Variants in ALOXE3 observed in about 807,000 individuals in gnomAD.
ALOXE3 encodes the protein hydroperoxide isomerase ALOXE3.
Under a neutral mutation model 87.5 loss-of-function variants are expected in ALOXE3, and 78 were observed. The observed-to-expected ratio is 0.89, with a 90% CI of 0.74 to 1.08. The LOEUF (loss-of-function observed/expected upper bound fraction) is 1.08. Among genes scored for constraint, ALOXE3 ranks in the 50% least tolerant of loss-of-function variants. The probability of loss-of-function intolerance (pLI) is 0.00; values close to 1 mark genes in which losing one functional copy is unlikely to be tolerated. For synonymous variants in ALOXE3, 363 were observed against 370.8 expected (o/e 0.98, Z 0.24); for missense variants, 946 against 912.4 (o/e 1.04, Z -0.47).
At position 8,096,609 on chromosome 17, in the gene ALOXE3, G is replaced by T; in HGVS notation, c.*18C>A. 1.8e-6 allele frequency: 2 copies of T among 1,093,922 alleles called. No homozygotes were observed. The highest frequency in any genetic ancestry group is 1.2e-5 in the South Asian group (1 of 80,780). The allele number at this position is 1,093,922 out of a possible 1,614,324, so 67.8% of individuals were successfully genotyped here. A position where few individuals can be genotyped will look rare whatever the true frequency, so the allele number is the denominator to read the frequency against. ...ATGCTTGGACCTTTCTTTCTTCTTG[G>T]GTGGTATTTGGGGGTGGTTAGATGG... On this transcript the variant is annotated 3_prime_UTR_variant, in exon 16 of 16. Transcript: ENST00000448843.
chr17:8,109,225 G>C lies in ALOXE3; in HGVS notation c.1511C>G (p.Pro504Arg), dbSNP rs987255862. 1.5e-5 allele frequency: 24 copies of C among 1,613,896 alleles called. No individual in the cohort carries two copies. The African/African-American group carries it at 2.9e-4, about 20-fold the overall frequency. ...SLRARGVLAI[P>R]NYHYRDDGLK... Reference sequence around the variant, plus strand: ...GCCGTCGTCTCGGTAGTGGTAGTTGGGGATAGCCAGGACGCCGCGGGCCCG... The same window carrying C: ...GCCGTCGTCTCGGTAGTGGTAGTTGCGGATAGCCAGGACGCCGCGGGCCCG... The change falls in exon 12 of 16, where the codon CCC becomes CGC. Residue 504 changes from proline (P) to arginine (R), a missense_variant. Physicochemically the swap from Pro to Arg is moderately radical, Grantham distance 103. Transcript: ENST00000448843.
At chr17:8,113,663 C>T (rs568666104) in intron 6 of ALOXE3, among the ~76,000 whole-genome samples, 1 of 149,312 alleles carries the variant, frequency 6.7e-6, no homozygotes, top group African/African-American at 2.6e-5. Context: ...AAAACAACAA[C>T]AACAACAACA....
At chr17:8,118,544 G>A (rs116802274), upstream of ALOXE3, 839 of 1,528,462 alleles carry the variant, frequency 5.5e-4, 2 homozygotes, top group African/African-American at 9.0e-3. Context: ...AGTTGCACTT[G>A]GTCATAAATC....
Position 8,096,590 on chromosome 17 carries a change from G to A in ALOXE3, c.*37C>T, listed in dbSNP as rs1978552949. 1.0e-6 allele frequency: 1 copy of A among 973,168 alleles called. No homozygotes were observed. Among genetic ancestry groups the A allele is most frequent in the Non-Finnish European group, 1.7e-6 (1 of 594,796 alleles). 60.3% of individuals were successfully genotyped at this position (973,168 alleles called of 1,614,324 possible). On this transcript the variant is annotated 3_prime_UTR_variant, in exon 16 of 16. Coordinates refer to ENST00000448843, the MANE Select transcript of ALOXE3 (RefSeq NM_021628.3). ...TGAGGAACTGGTCCTCCTCATGCTT[G>A]GACCTTTCTTTCTTCTTGGGTGGTA...
chr17:8,103,351 C>G lies in ALOXE3; in HGVS notation c.1928G>C (p.Trp643Ser). The G allele has an allele frequency of 6.2e-7, 1 of 1,614,008 alleles. No individual in the cohort carries two copies. Among genetic ancestry groups the G allele is most frequent in the Non-Finnish European group, 8.5e-7 (1 of 1,179,980 alleles). ...GTCCTTGGGTTCTTGGCTAACCAACCAGAAGAGGAGGAGGTTGTTACAGCT... is the reference window on the plus strand; with the variant it reads ...GTCCTTGGGTTCTTGGCTAACCAACGAGAAGAGGAGGAGGTTGTTACAGCT... ...NISCNNLLLF[W>S]LVSQEPKDQR... The change falls in exon 15 of 16, where the codon TGG becomes TCG. Residue 643 changes from tryptophan to serine, a missense_variant. By Grantham distance (177) the Trp-to-Ser change is radical. Coordinates refer to ENST00000448843, the MANE Select transcript of ALOXE3 (RefSeq NM_021628.3).
intron 15 of ALOXE3, among the ~76,000 whole-genome samples, chr17:8,099,625 C>A (rs1398857589): frequency 6.6e-6 from 1 of 150,722 alleles, no homozygotes; most frequent in Non-Finnish European, 1.5e-5. Context: ...CGCGCCACTG[C>A]ACTCTAGCCT....
chr17:8,106,460 AAT>A (rs1011715807), intron 13 of ALOXE3, among the ~76,000 whole-genome samples: 1 of 151,918 alleles, frequency 6.6e-6, no homozygotes, highest in Admixed American at 6.6e-5. Context: ...CAGGAGAATC[AAT>A]AGAGCCCAGG....
chr17:8,115,096 C>CGG (rs1568004280), intron 4 of ALOXE3, 39 bp from the exon 5 acceptor site: 1 of 1,613,358 alleles, frequency 6.2e-7, no homozygotes, highest in Admixed American at 1.7e-5. Flanking sequence ...AGGTCATGCT[C>CGG]GGGATAAACA....
rs1979953538 is a variant in ALOXE3 at position 8,110,367 on chromosome 17, C to A, written c.1101+18G>T. 1.2e-6 allele frequency: 2 copies of A among 1,603,356 alleles called. No homozygotes were observed. Among genetic ancestry groups the A allele is most frequent in the Non-Finnish European group, 1.7e-6 (2 of 1,173,338 alleles). On this transcript the variant is annotated intron_variant, in intron 9 of 15. Transcript: ENST00000448843. ...TAGCACCTGAGCCCCCATCCCGGGG[C>A]GGCGGCGCCGGGCTCACCTGGATGG...
chr17:8,098,269 C>T (rs1978697396), intron 15 of ALOXE3, among the ~76,000 whole-genome samples: 1 of 114,632 alleles, frequency 8.7e-6, no homozygotes. Flanking sequence ...GACGGAGTCT[C>T]GCTCTGTCAC....
intron 13 of ALOXE3, among the ~76,000 whole-genome samples, chr17:8,106,873 G>GA (rs1178256180): frequency 6.6e-6 from 1 of 151,918 alleles, no homozygotes; most frequent in African/African-American, 2.4e-5. Context: ...CTAACTCAGA[G>GA]AAAAAAATGT....
At chr17:8,107,249 G>A (rs1979384950) in intron 13 of ALOXE3, among the ~76,000 whole-genome samples, 2 of 152,222 alleles carry the variant, frequency 1.3e-5, no homozygotes, top group African/African-American at 4.8e-5. Context: ...GGGTGCGGTG[G>A]CTCACACCTG....
chr17:8,114,623 G>T lies in ALOXE3; in HGVS notation c.555-14C>A, dbSNP rs116310580. On this transcript the variant is annotated splice_polypyrimidine_tract_variant and intron_variant, in intron 5 of 15. Transcript: ENST00000448843. ...CGATTCCCACTGCTGGGGGTCGGGG[G>T]AGTAGAAAGACAGAAACCAGTCAGT... is the stretch of plus-strand genomic sequence containing the variant. 2 of 1,613,910 alleles carry T rather than the reference G, an allele frequency of 1.2e-6. No homozygotes were observed. Among genetic ancestry groups the T allele is most frequent in the Non-Finnish European group, 1.7e-6 (2 of 1,179,960 alleles).
chr17:8,105,322 A>G (rs1297098866), intron 13 of ALOXE3, among the ~76,000 whole-genome samples: 1 of 150,552 alleles, frequency 6.6e-6, no homozygotes, highest in Non-Finnish European at 1.5e-5. Flanking sequence ...TCTTGCCCCA[A>G]TTATCTTCAG....
At chr17:8,110,672 A>C in intron 8 of ALOXE3, 144 bp from the exon 9 acceptor site, 1 of 1,197,002 alleles carries the variant, frequency 8.4e-7, no homozygotes, top group Non-Finnish European at 1.2e-6. Context: ...TTAATGGCCA[A>C]AGTGGGGTAC....
At chr17:8,114,837 CAT>C in intron 5 of ALOXE3, 99 bp downstream of exon 5, 1 of 1,560,128 alleles carries the variant, frequency 6.4e-7, no homozygotes, top group South Asian at 1.1e-5. Context: ...ACTGCATTGT[CAT>C]AGACCCCTAC....
chr17:8,109,781 G>C, intron 11 of ALOXE3, 135 bp downstream of exon 11: 2 of 875,736 alleles, frequency 2.3e-6, no homozygotes, highest in Non-Finnish European at 3.5e-6. Context: ...GGTGGAAGAG[G>C]CAGTGATTGT....
chr17:8,109,360 G>T lies in ALOXE3; in HGVS notation c.1393-17C>A. The T allele has an allele frequency of 6.2e-7, 1 of 1,612,420 alleles. No individual in the cohort carries two copies. Among genetic ancestry groups the T allele is most frequent in the Non-Finnish European group, 8.5e-7 (1 of 1,179,956 alleles). On this transcript the variant is annotated splice_polypyrimidine_tract_variant and intron_variant, in intron 11 of 15. Coordinates refer to ENST00000448843, the MANE Select transcript of ALOXE3 (RefSeq NM_021628.3). ...GGACGTGACCTGAGGACACAGCACA[G>T]CTCGGCTCCCGGGCCGGCCCAATCC...
chr17:8,105,217 C>T (rs9912048), intron 13 of ALOXE3, among the ~76,000 whole-genome samples: 50,242 of 152,056 alleles, frequency 0.33, 8,547 homozygotes, highest in East Asian at 0.45. Flanking sequence ...TTCACTTATT[C>T]GACTCCAGCT....
Sources: allele counts gnomAD v4.1 joint callset (sites outside exome capture counted in the v4.1 genomes callset), GRCh38; gene constraint gnomAD v4.1.1; transcripts MANE v1.5; gene names NCBI Gene and HGNC (gene_info 2026-07-23, HGNC 2026-07-21).